The following ANK3 variants were observed in gnomAD, a reference collection of about 807,000 sequenced individuals.
ANK3 encodes ankyrin 3, also known as ankyrin-3.
A neutral mutation model predicts 370.9 loss-of-function variants in ANK3; 57 were observed. The ratio of observed to expected loss-of-function variants is 0.15; its 90% CI spans 0.12 to 0.19. ANK3 has a LOEUF of 0.19. Among genes scored for constraint, ANK3 ranks in the 10% least tolerant of loss-of-function variants. The pLI is 1.00. For missense variants in ANK3, 4,439 were observed against 5,302.1 expected (o/e 0.84, Z 5.06); for synonymous variants, 1,929 against 1,946.3 (o/e 0.99, Z 0.23).
In ANK3 at chr10:60,091,880, G is replaced by A. The variant is rs7098820; in HGVS notation, c.3329-3522C>T. Among the ~76,000 whole-genome samples, 147 of 151,912 alleles carry A rather than the reference G, an allele frequency of 9.7e-4. 1 individual carries two copies. In the South Asian group the frequency reaches 0.021, roughly 22 times the overall value. ...CGAGTAGCTGGGACTACAGGCATGC[G>A]CCACCATGCCCAGCTAATTTTCGTA... On this transcript the variant is annotated intron_variant, in intron 28 of 43. Transcript: ENST00000280772.
chr10:60,075,697 G>A lies in ANK3; in HGVS notation c.5184C>T (p.Ser1728=), dbSNP rs889422747. ...CTTTGCATCCATTAATTAAAGTTGA[G>A]GATGATGGATATTTTAGAGGGGAAA... The part of the protein sequence containing the change: ...GSISPLKYPS[S]STLINGCKAT... Residue 1728 remains serine, a synonymous_variant, in exon 37 of 44, where the codon TCC becomes TCT. Transcript: ENST00000280772. 3 of 1,613,968 alleles carry A rather than the reference G, an allele frequency of 1.9e-6. No homozygotes were observed. Among genetic ancestry groups the A allele is most frequent in the African/African-American group, 1.3e-5 (1 of 74,924 alleles).
chr10:60,300,767 T>C (rs560334702), intron 1 of ANK3, among the ~76,000 whole-genome samples: 1 of 152,270 alleles, frequency 6.6e-6, no homozygotes, highest in South Asian at 2.1e-4. Context: ...TACTCTGACA[T>C]TCCTTCTAAA....
chr10:60,227,641 A>C (rs191415587), intron 8 of ANK3, among the ~76,000 whole-genome samples: 26 of 152,004 alleles, frequency 1.7e-4, no homozygotes, highest in African/African-American at 6.3e-4. Context: ...AGTATGGATG[A>C]TTTCTATGAC....
chr10:60,521,764 G>A (rs539513135), intron 2 of ANK3, among the ~76,000 whole-genome samples: 1 of 152,050 alleles, frequency 6.6e-6, no homozygotes, highest in South Asian at 2.1e-4. Flanking sequence ...TCAAAGTTGT[G>A]AAAAGGGTTG....
At chr10:60,131,420 T>C (rs1332745155) in intron 25 of ANK3, among the ~76,000 whole-genome samples, 1 of 152,222 alleles carries the variant, frequency 6.6e-6, no homozygotes, top group Non-Finnish European at 1.5e-5. Context: ...ATTATCAACT[T>C]AAAGTTTATT....
intron 25 of ANK3, among the ~76,000 whole-genome samples, chr10:60,129,219 AC>A (rs1196624483): frequency 6.6e-6 from 1 of 152,228 alleles, no homozygotes; most frequent in South Asian, 2.1e-4. Context: ...AACTAAAGGT[AC>A]ACCTTAGAAT....
At chr10:60,317,672 A>G (rs1176634862) in intron 1 of ANK3, among the ~76,000 whole-genome samples, 1 of 151,530 alleles carries the variant, frequency 6.6e-6, no homozygotes, top group Non-Finnish European at 1.5e-5. Flanking sequence ...ATATATGATG[A>G]GTTGTAGCTA....
intron 36 of ANK3, among the ~76,000 whole-genome samples, chr10:60,078,946 A>C (rs1285408697): frequency 6.6e-6 from 1 of 152,150 alleles, no homozygotes; most frequent in East Asian, 1.9e-4. Flanking sequence ...TATAAGTGGG[A>C]AACATTCAAT....
At position 60,198,635 on chromosome 10, in the gene ANK3, A is replaced by G. The variant is rs144494164; in HGVS notation, c.1492-98T>C. The G allele has an allele frequency of 3.8e-4, 416 of 1,099,106 alleles. 2 individuals carry two copies. The East Asian group carries it at 6.9e-3, about 18-fold the overall frequency. 68.1% of individuals were successfully genotyped at this position (1,099,106 alleles called of 1,614,324 possible). ...ATATTAGCTGCTTGATGTAAGAGGT[A>G]CAATCAACTTTTTGAGTCAATGCTA... On this transcript the variant is annotated intron_variant, in intron 13 of 43. Transcript: ENST00000280772.
intron 2 of ANK3, among the ~76,000 whole-genome samples, chr10:60,443,466 A>G (rs2064353238): frequency 6.6e-6 from 1 of 152,092 alleles, no homozygotes; most frequent in Non-Finnish European, 1.5e-5. Flanking sequence ...AAGATTTTGC[A>G]CCACTCTGGC....
chr10:60,524,993 G>A (rs1487112599), intron 2 of ANK3, among the ~76,000 whole-genome samples: 2 of 152,040 alleles, frequency 1.3e-5, no homozygotes, highest in Non-Finnish European at 2.9e-5. Flanking sequence ...TCAAATCATT[G>A]TGATATTTGA....
At chr10:60,271,024 G>A (rs546628024) in intron 4 of ANK3, among the ~76,000 whole-genome samples, 119 of 151,974 alleles carry the variant, frequency 7.8e-4, no homozygotes, top group African/African-American at 2.7e-3. Flanking sequence ...TTGGATTCAA[G>A]CAAATTAATA....
chr10:60,658,474 C>G (rs7913549), intron 1 of ANK3, among the ~76,000 whole-genome samples: 102,580 of 151,780 alleles, frequency 0.68, 34,864 homozygotes, highest in South Asian at 0.83. Context: ...CTACTGACCT[C>G]CCCCCACACA....
intron 42 of ANK3, among the ~76,000 whole-genome samples, chr10:60,053,212 G>A (rs1449873589): frequency 6.6e-6 from 1 of 152,194 alleles, no homozygotes; most frequent in East Asian, 1.9e-4. Flanking sequence ...GAGGTAAAAG[G>A]AATCTGTGTT....
intron 1 of ANK3, among the ~76,000 whole-genome samples, chr10:60,359,187 A>C (rs1363955160): frequency 6.6e-6 from 1 of 152,032 alleles, no homozygotes; most frequent in African/African-American, 2.4e-5. Flanking sequence ...CTTGCATGCC[A>C]TGTCTACATA....
Position 60,070,685 on chromosome 10 carries a change from G to A in ANK3, c.10196C>T (p.Thr3399Ile), listed in dbSNP as rs751707901. ...CGTGTCATGAGAAAACTCTGCTGTG[G>A]TGGCAATGGAACACTCTGTGATGGA... ...DQSITECSIA[T>I]TAEFSHDTDA... Residue 3399 changes from threonine (T) to isoleucine (I), a missense_variant, in exon 37 of 44, where the codon ACC (threonine) becomes ATC (isoleucine). Thr to Ile is a moderately conservative substitution (Grantham distance 89). This residue lies in a region of ANK3 where 1,601 missense variants were observed against 1,731.7 expected (regional missense o/e 0.92). Coordinates refer to ENST00000280772, the MANE Select transcript of ANK3 (RefSeq NM_020987.5). This position sits in a 1 kb window ranked among gnomAD's most constrained non-coding sequence, Gnocchi z 5.7. The A allele has an allele frequency of 6.2e-7, 1 of 1,614,138 alleles. No homozygotes were observed. The highest frequency in any genetic ancestry group is 8.5e-7 in the Non-Finnish European group (1 of 1,180,010).
chr10:60,385,201 C>T lies in ANK3; in HGVS notation c.114+4224G>A, dbSNP rs139742295. ...TACTTTTCGTGCCACACACTCAGGT[C>T]CCCTTTGCTCCAGGAATTCAAAAAT... On this transcript the variant is annotated intron_variant, in intron 1 of 43. Coordinates refer to ENST00000280772, the MANE Select transcript of ANK3 (RefSeq NM_020987.5). Among the ~76,000 whole-genome samples the T allele has an allele frequency of 4.0e-3, 614 of 152,162 alleles. 13 individuals are homozygous for T. Among genetic ancestry groups the T allele is most frequent in the East Asian group, 4.3e-3 (22 of 5,160 alleles).
chr10:60,156,585 C>A (rs2095335084), intron 23 of ANK3, among the ~76,000 whole-genome samples: 2 of 152,196 alleles, frequency 1.3e-5, no homozygotes, highest in South Asian at 4.1e-4. Context: ...GGTGCAGAGA[C>A]TGACTTCCTT....
At chr10:60,112,990 A>T (rs1421408595) in intron 26 of ANK3, among the ~76,000 whole-genome samples, 5 of 152,224 alleles carry the variant, frequency 3.3e-5, no homozygotes. Context: ...GATTCTACTT[A>T]TATGGATGTC....
Sources: gnomAD v4.1 joint callset for allele counts (sites outside exome capture counted in the v4.1 genomes callset) on GRCh38, gnomAD v4.1.1 for gene constraint, gnomAD v4.1.1 regional missense constraint, Gnocchi (gnomAD v3.1) non-coding constraint, MANE v1.5 for transcripts, NCBI Gene and HGNC (gene_info 2026-07-23, HGNC 2026-07-21) for gene names.